The following IL7 variants were observed in gnomAD, a reference collection of about 807,000 sequenced individuals.
IL7 encodes interleukin-7.
A neutral mutation model predicts 21.6 loss-of-function variants in IL7; 3 were observed. The ratio of observed to expected loss-of-function variants is 0.14; its 90% CI spans 0.06 to 0.36. The LOEUF (loss-of-function observed/expected upper bound fraction) is 0.36, where lower values mean the gene tolerates loss of function less well. IL7 is among the 10% of genes least tolerant of loss of function. The pLI is 1.00. For missense variants in IL7, 175 were observed against 200.2 expected (o/e 0.87, Z 0.76); for synonymous variants, 62 against 68.1 (o/e 0.91, Z 0.44).
intron 2 of IL7, among the ~76,000 whole-genome samples, chr8:78,774,211 C>T (rs1563430432): frequency 1.3e-5 from 2 of 152,076 alleles, no homozygotes; most frequent in Non-Finnish European, 2.9e-5. Context: ...TTTGCAAAGA[C>T]TAAGACTGCA....
chr8:78,729,534 G>A (rs1441438), downstream of IL7, among the ~76,000 whole-genome samples: 47,859 of 151,736 alleles, frequency 0.32, 8,404 homozygotes, highest in African/African-American at 0.47. Flanking sequence ...TAATCTTTAC[G>A]TTAAGATTTT....
chr8:78,686,431 G>GTTTA (rs60056547), intron 3 of IL7: 169,326 of 1,167,598 alleles, frequency 0.15, 9,415 homozygotes, highest in Middle Eastern at 0.21. Flanking sequence ...GATACTGTTT[G>GTTTA]TTTATTTATT....
At chr8:78,700,623 G>T (rs914824018) in intron 3 of IL7, among the ~76,000 whole-genome samples, 22 of 152,074 alleles carry the variant, frequency 1.4e-4, no homozygotes, top group African/African-American at 5.1e-4. Context: ...GTCTTCCAGG[G>T]TTTTTATAGT....
At chr8:78,686,354 A>C (rs1809970804) in intron 3 of IL7, 1 of 884,814 alleles carries the variant, frequency 1.1e-6, no homozygotes, top group Non-Finnish European at 1.5e-6. Context: ...TCATTTAAGG[A>C]CTCCTGATAA....
Position 78,740,078 on chromosome 8 carries a change from C to A in IL7, c.152G>T (p.Ser51Ile). The A allele has an allele frequency of 6.6e-7, 1 of 1,511,324 alleles. No homozygotes were observed. The highest frequency in any genetic ancestry group is 8.9e-7 in the Non-Finnish European group (1 of 1,129,744). 93.6% of individuals were successfully genotyped at this position (1,511,324 alleles called of 1,614,324 possible). The change falls in exon 3 of 6, where the codon AGC (serine) becomes ATC (isoleucine). Residue 51 changes from serine to isoleucine, a missense_variant. Physicochemically the swap from Ser to Ile is moderately radical, Grantham distance 142. Transcript: ENST00000263851. ...GCAATTGCTACCAATTTCTTTCATGCTGTCCTGTAATAAATAACATAAAAT... is the reference window on the plus strand; with the variant it reads ...GCAATTGCTACCAATTTCTTTCATGATGTCCTGTAATAAATAACATAAAAT... ...LMVSIDQLLD[S>I]MKEIGSNCLN...
intron 2 of IL7, among the ~76,000 whole-genome samples, chr8:78,749,956 C>G (rs1351310458): frequency 6.6e-6 from 1 of 151,988 alleles, no homozygotes; most frequent in Non-Finnish European, 1.5e-5. Flanking sequence ...ATCACTTGAA[C>G]CCAGGAGGTC....
At chr8:78,723,092 A>AATATATATATATAT (rs71264200) in intron 3 of IL7, among the ~76,000 whole-genome samples, 1,880 of 140,390 alleles carry the variant, frequency 0.013, 24 homozygotes, top group Middle Eastern at 0.041. Context: ...TAGAAGTACA[A>AATATATATATATAT]ATATATATAT....
downstream of IL7, among the ~76,000 whole-genome samples, chr8:78,732,249 A>G (rs991126159): frequency 2.6e-5 from 4 of 152,136 alleles, no homozygotes; most frequent in Non-Finnish European, 4.4e-5. Flanking sequence ...ACAGAAAAAA[A>G]TACTTGACTC....
intron 2 of IL7, among the ~76,000 whole-genome samples, chr8:78,742,523 A>C (rs146386850): frequency 1.5e-3 from 230 of 152,206 alleles, no homozygotes; most frequent in African/African-American, 5.1e-3. Context: ...GTTATTTTTT[A>C]ATACTTTTGT....
At chr8:78,751,806 T>C (rs1273743532) in intron 2 of IL7, among the ~76,000 whole-genome samples, 1 of 152,200 alleles carries the variant, frequency 6.6e-6, no homozygotes, top group Non-Finnish European at 1.5e-5. Flanking sequence ...TCTGAGCATA[T>C]ACAATAAATT....
intron 2 of IL7, among the ~76,000 whole-genome samples, chr8:78,787,851 G>C (rs1040421565): frequency 2.0e-5 from 3 of 152,020 alleles, no homozygotes; most frequent in African/African-American, 4.8e-5. Flanking sequence ...CCATGAACAG[G>C]GTGGCTTAAA....
At chr8:78,786,281 A>AATT (rs768701890) in intron 2 of IL7, among the ~76,000 whole-genome samples, 1 of 152,242 alleles carries the variant, frequency 6.6e-6, no homozygotes, top group Non-Finnish European at 1.5e-5. Flanking sequence ...TGCACTAAAT[A>AATT]GATAATAATA....
At chr8:78,712,692 G>C (rs1332611603) in intron 3 of IL7, among the ~76,000 whole-genome samples, 2 of 152,148 alleles carry the variant, frequency 1.3e-5, no homozygotes, top group African/African-American at 2.4e-5. Flanking sequence ...TGGCTGAAAA[G>C]AGTGTGTGGC....
chr8:78,678,201 A>G (rs924974941), intron 4 of IL7, among the ~76,000 whole-genome samples: 8 of 152,168 alleles, frequency 5.3e-5, no homozygotes, highest in South Asian at 2.1e-4. Flanking sequence ...CTGGGAATGC[A>G]GTCCAGTAGG....
At chr8:78,721,547 C>T (rs979216190) in intron 3 of IL7, 3 of 151,978 alleles carry the variant, frequency 2.0e-5, no homozygotes, top group African/African-American at 7.2e-5. Context: ...TACTTATGCA[C>T]CTACTTTGAA....
intron 2 of IL7, among the ~76,000 whole-genome samples, chr8:78,771,974 C>G (rs890892575): frequency 1.3e-5 from 2 of 152,078 alleles, no homozygotes; most frequent in African/African-American, 2.4e-5. Flanking sequence ...GAGGAAGTGC[C>G]TTCTTCTCCT....
intron 3 of IL7, chr8:78,698,441 G>A (rs1308829728): frequency 6.2e-7 from 1 of 1,612,848 alleles, no homozygotes; most frequent in African/African-American, 1.3e-5. Flanking sequence ...GTGTCTTCAA[G>A]TAGCAGCTCT....
chr8:78,714,647 G>T (rs1811043505), downstream of IL7, among the ~76,000 whole-genome samples: 2 of 152,108 alleles, frequency 1.3e-5, no homozygotes, highest in Non-Finnish European at 2.9e-5. Context: ...GAGACTCATG[G>T]ATGATCCAAC....
chr8:78,739,380 T>A (rs1046421175), intron 3 of IL7, among the ~76,000 whole-genome samples: 1 of 152,168 alleles, frequency 6.6e-6, no homozygotes, highest in African/African-American at 2.4e-5. Flanking sequence ...GCATTCACAT[T>A]AACAAGTATT....
Sources: gnomAD v4.1 joint callset for allele counts (sites outside exome capture counted in the v4.1 genomes callset) on GRCh38, gnomAD v4.1.1 for gene constraint, MANE v1.5 for transcripts, NCBI Gene and HGNC (gene_info 2026-07-23, HGNC 2026-07-21) for gene names.